ADAMTS12: variants seen among roughly 807,000 people sequenced by gnomAD.
The protein encoded by ADAMTS12 is ADAM metallopeptidase with thrombospondin type 1 motif 12, also known as A disintegrin and metalloproteinase with thrombospondin motifs 12.
A neutral mutation model predicts 167.8 loss-of-function variants in ADAMTS12; 118 were observed. The ratio of observed to expected loss-of-function variants is 0.70; its 90% CI spans 0.61 to 0.82. The LOEUF is 0.82. ADAMTS12 is among the 40% of genes least tolerant of loss of function. The pLI is 0.00. For missense variants in ADAMTS12, 1,916 were observed against 1,998.8 expected, an observed-to-expected ratio of 0.96 and a Z score of 0.79; for synonymous variants, 704 against 716.9, an observed-to-expected ratio of 0.98 and a Z score of 0.29.
At chr5:33,538,703 C>T (rs980816858) in intron 22 of ADAMTS12, among the ~76,000 whole-genome samples, 2 of 152,186 alleles carry the variant, frequency 1.3e-5, no homozygotes, top group Non-Finnish European at 2.9e-5. Context: ...TGAGAGCCAG[C>T]AGTCAGTTGC....
intron 5 of ADAMTS12, among the ~76,000 whole-genome samples, chr5:33,674,531 C>T (rs1048553978): frequency 2.6e-5 from 4 of 152,066 alleles, no homozygotes; most frequent in African/African-American, 2.4e-5. Flanking sequence ...GTGATGGCTT[C>T]CTCTGGGGCA....
chr5:33,572,179 A>G (rs1270691612), intron 19 of ADAMTS12, among the ~76,000 whole-genome samples: 3 of 152,266 alleles, frequency 2.0e-5, no homozygotes, highest in African/African-American at 7.2e-5. Flanking sequence ...ACAAGGAGGA[A>G]CTGGTACCAT....
intron 3 of ADAMTS12, among the ~76,000 whole-genome samples, chr5:33,686,830 C>G (rs1742345506): frequency 6.7e-6 from 1 of 149,430 alleles, no homozygotes; most frequent in Non-Finnish European, 1.5e-5. Context: ...ATGTATATAT[C>G]TTCCTGCTGT....
At position 33,807,424 on chromosome 5, in the gene ADAMTS12, AC is replaced by A. The variant is rs1365839521; in HGVS notation, c.490-55877del. ...CTAGCTGCGAGATCTTAGTCAAATG[AC>A]CCAACTCTTCTGTAATCCTTGTTTT... On this transcript the variant is annotated intron_variant, in intron 2 of 23. Transcript: ENST00000504830. Among the ~76,000 whole-genome samples, 3 of 152,294 alleles carry A rather than the reference AC, an allele frequency of 2.0e-5. No homozygotes were observed. The East Asian group carries it at 5.8e-4, about 29-fold the overall frequency.
At chr5:33,879,669 C>A (rs1040702123) in intron 2 of ADAMTS12, among the ~76,000 whole-genome samples, 1 of 152,108 alleles carries the variant, frequency 6.6e-6, no homozygotes, top group African/African-American at 2.4e-5. Flanking sequence ...TATGAAAATC[C>A]AAATTTACAG....
intron 2 of ADAMTS12, among the ~76,000 whole-genome samples, chr5:33,787,537 C>T (rs1186212264): frequency 6.6e-6 from 1 of 152,182 alleles, no homozygotes; most frequent in Non-Finnish European, 1.5e-5. Context: ...ACTTTAGTTG[C>T]CAAGTATATG....
chr5:33,772,986 G>A (rs1745798976), intron 2 of ADAMTS12, among the ~76,000 whole-genome samples: 1 of 152,234 alleles, frequency 6.6e-6, no homozygotes, highest in Non-Finnish European at 1.5e-5. Context: ...GCGTCTTGGA[G>A]AATGAGTATT....
chr5:33,834,326 T>C (rs1263073575), intron 2 of ADAMTS12, among the ~76,000 whole-genome samples: 1 of 152,198 alleles, frequency 6.6e-6, no homozygotes, highest in Non-Finnish European at 1.5e-5. Flanking sequence ...AGTGGTGGGA[T>C]GTGGGGCAAT....
rs1212673900 is a variant in ADAMTS12 at position 33,700,937 on chromosome 5, A to G, written c.635-16882T>C. 3.3e-5 allele frequency among the ~76,000 whole-genome samples: 5 copies of G among 152,186 alleles called. No homozygotes were observed. The East Asian group carries it at 9.6e-4, about 29-fold the overall frequency. ...AAACAAAACCTACACGTAAATCTCC[A>G]AATTCCTAGTGCAGAGCCAGTGGTG... On this transcript the variant is annotated intron_variant, in intron 3 of 23. Coordinates refer to ENST00000504830, the MANE Select transcript of ADAMTS12 (RefSeq NM_030955.4).
intron 3 of ADAMTS12, among the ~76,000 whole-genome samples, chr5:33,689,388 C>G (rs939506957): frequency 5.1e-5 from 7 of 138,262 alleles, no homozygotes; most frequent in Non-Finnish European, 6.2e-5. Context: ...AAAATTTCAG[C>G]ATGAGGAATG....
At chr5:33,863,329 A>G (rs1749691856) in intron 2 of ADAMTS12, among the ~76,000 whole-genome samples, 1 of 152,228 alleles carries the variant, frequency 6.6e-6, no homozygotes, top group Admixed American at 6.5e-5. Context: ...TAAGCTGATA[A>G]GCAACTTCAG....
chr5:33,598,980 AGC>A (rs1738052735), intron 16 of ADAMTS12, among the ~76,000 whole-genome samples: 1 of 152,198 alleles, frequency 6.6e-6, no homozygotes, highest in African/African-American at 2.4e-5. Context: ...GGGGAAACTC[AGC>A]GCCCTTGGAA....
chr5:33,662,065 A>T (rs1293391954), intron 5 of ADAMTS12, 25 bp from the exon 6 acceptor site: 7 of 1,602,226 alleles, frequency 4.4e-6, no homozygotes, highest in Non-Finnish European at 5.9e-6. Context: ...GGAAGAGATT[A>T]GCATGGGAGA....
chr5:33,719,447 C>T (rs1368859364), intron 3 of ADAMTS12, among the ~76,000 whole-genome samples: 1 of 152,180 alleles, frequency 6.6e-6, no homozygotes, highest in African/African-American at 2.4e-5. Flanking sequence ...AAAGTTTACA[C>T]TTAATTACCC....
intron 20 of ADAMTS12, among the ~76,000 whole-genome samples, chr5:33,560,150 C>T (rs558782084): frequency 6.6e-6 from 1 of 152,280 alleles, no homozygotes; most frequent in East Asian, 1.9e-4. Context: ...TCTGGTTTAT[C>T]TTGTAAGAGA....
chr5:33,705,580 AG>A (rs541571137), intron 3 of ADAMTS12, among the ~76,000 whole-genome samples: 164 of 152,238 alleles, frequency 1.1e-3, no homozygotes, highest in African/African-American at 3.5e-3. Flanking sequence ...TGGGAGGCCG[AG>A]GTGAGTAGAT....
intron 14 of ADAMTS12, among the ~76,000 whole-genome samples, chr5:33,622,371 G>T (rs979003014): frequency 1.3e-5 from 2 of 152,090 alleles, no homozygotes; most frequent in African/African-American, 4.8e-5. Flanking sequence ...AATAAAACAG[G>T]TTAGCTGGTC....
intron 3 of ADAMTS12, among the ~76,000 whole-genome samples, chr5:33,733,430 C>T (rs1429979088): frequency 6.6e-6 from 1 of 152,158 alleles, no homozygotes; most frequent in African/African-American, 2.4e-5. Context: ...GTTTTCTCAT[C>T]TGTGAAATGG....
intron 2 of ADAMTS12, among the ~76,000 whole-genome samples, chr5:33,870,125 T>C (rs996758034): frequency 2.0e-5 from 3 of 152,192 alleles, no homozygotes; most frequent in African/African-American, 7.2e-5. Flanking sequence ...TCCCTGAACA[T>C]CACTGTTATC....
Sources: allele counts gnomAD v4.1 joint callset (sites outside exome capture counted in the v4.1 genomes callset), GRCh38; gene constraint gnomAD v4.1.1; transcripts MANE v1.5; gene names NCBI Gene and HGNC (gene_info 2026-07-23, HGNC 2026-07-21).